Variants in ALPL observed in about 807,000 individuals in gnomAD.
ALPL encodes alkaline phosphatase, biomineralization associated.
ALPL carries 42 observed loss-of-function variants against 51.3 expected under a neutral mutation model. The observed-to-expected ratio is 0.82, with a 90% confidence interval of 0.64 to 1.06. ALPL has a LOEUF of 1.06. ALPL is among the 50% of genes least tolerant of loss of function. The pLI is 0.00. For synonymous variants in ALPL, 279 were observed against 296.4 expected (o/e 0.94, Z 0.60); for missense variants, 589 against 709.4 (o/e 0.83, Z 1.93).
intron 1 of ALPL, among the ~76,000 whole-genome samples, chr1:21,517,665 C>G (rs777660675): frequency 1.3e-5 from 2 of 152,102 alleles, no homozygotes; most frequent in Non-Finnish European, 2.9e-5. Flanking sequence ...GAATCCCAGC[C>G]CTGCCATTTC....
intron 2 of ALPL, 88 bp from the exon 3 acceptor site, chr1:21,560,538 C>T: frequency 6.4e-7 from 1 of 1,553,724 alleles, no homozygotes; most frequent in Non-Finnish European, 8.8e-7. Flanking sequence ...GCATTCCAGC[C>T]TGAGCAATCA....
At chr1:21,567,916 AG>A (rs1644589549) in intron 6 of ALPL, among the ~76,000 whole-genome samples, 187 bp from the exon 7 acceptor site, 1 of 152,108 alleles carries the variant, frequency 6.6e-6, no homozygotes, top group South Asian at 2.1e-4. Context: ...CCGTCCCAAT[AG>A]ACTCGTGATT....
intron 6 of ALPL, among the ~76,000 whole-genome samples, chr1:21,565,730 C>T (rs968865165): frequency 2.0e-5 from 3 of 151,838 alleles, no homozygotes; most frequent in Non-Finnish European, 4.4e-5. Flanking sequence ...CCAGCCCCAC[C>T]TGCCTCTCCG....
At chr1:21,572,298 G>C (rs189223083) in intron 8 of ALPL, among the ~76,000 whole-genome samples, 6 of 152,308 alleles carry the variant, frequency 3.9e-5, no homozygotes, top group African/African-American at 1.4e-4. Context: ...TTCCAGGATG[G>C]TTCACTCACA....
intron 1 of ALPL, among the ~76,000 whole-genome samples, chr1:21,514,048 A>T (rs1371688549): frequency 6.6e-6 from 1 of 152,206 alleles, no homozygotes; most frequent in East Asian, 1.9e-4. Context: ...GCCAGCCCTC[A>T]GGGGGCTCAG....
intron 6 of ALPL, among the ~76,000 whole-genome samples, chr1:21,566,895 C>CCAGTCG (rs1337092210): frequency 6.6e-6 from 1 of 152,176 alleles, no homozygotes; most frequent in Non-Finnish European, 1.5e-5. Context: ...CCGCGCCTGG[C>CCAGTCG]CAGTCGCATT....
At chr1:21,556,155 A>G (rs1476830949) in intron 2 of ALPL, among the ~76,000 whole-genome samples, 3 of 152,194 alleles carry the variant, frequency 2.0e-5, no homozygotes, top group African/African-American at 7.2e-5. Context: ...TAGGGGTTCA[A>G]CTAATTCTAG....
Position 21,568,141 on chromosome 1 carries a change from A to G in ALPL, c.686A>G (p.Lys229Arg). The G allele has an allele frequency of 6.2e-7, 1 of 1,614,066 alleles. No individual in the cohort carries two copies. The highest frequency in any genetic ancestry group is 8.5e-7 in the Non-Finnish European group (1 of 1,180,042). Residue 229 changes from lysine to arginine, a missense_variant, in exon 7 of 12, where the codon AAG becomes AGG. Physicochemically the swap from Lys to Arg is conservative, Grantham distance 26 (BLOSUM62 2). Coordinates refer to ENST00000374840, the MANE Select transcript of ALPL (RefSeq NM_000478.6). ...GGTGGCCGGAAATACATGTACCCCA[A>G]GAATAAAACTGATGTGGAGTATGAG... ...MGGGRKYMYPKNKTDVEYESD... is the reference protein window; with the variant it reads ...MGGGRKYMYPRNKTDVEYESD...
At chr1:21,515,649 A>G (rs1570158941) in intron 1 of ALPL, among the ~76,000 whole-genome samples, 1 of 152,190 alleles carries the variant, frequency 6.6e-6, no homozygotes, top group South Asian at 2.1e-4. Context: ...TCGGCCTCGC[A>G]AAGTGCTGGG....
intron 2 of ALPL, among the ~76,000 whole-genome samples, chr1:21,556,104 C>T (rs1340494284): frequency 4.6e-5 from 7 of 152,186 alleles, no homozygotes; most frequent in East Asian, 1.9e-4. Context: ...GAGATTCACG[C>T]GGAAGTGTTT....
At chr1:21,522,316 C>T (rs568145638) in intron 1 of ALPL, among the ~76,000 whole-genome samples, 4 of 152,246 alleles carry the variant, frequency 2.6e-5, no homozygotes, top group Non-Finnish European at 4.4e-5. Context: ...CTTCATGATC[C>T]GCCCGCCTTG....
At chr1:21,512,341 C>T (rs1223038666) in intron 1 of ALPL, among the ~76,000 whole-genome samples, 1 of 152,222 alleles carries the variant, frequency 6.6e-6, no homozygotes, top group Non-Finnish European at 1.5e-5. Flanking sequence ...CCTCAGTTTT[C>T]TCATCTGCAA....
intron 1 of ALPL, among the ~76,000 whole-genome samples, chr1:21,523,999 CTTTTTTTTTTT>C (rs10571494): frequency 6.3e-5 from 6 of 94,548 alleles, no homozygotes; most frequent in African/African-American, 8.3e-5. Flanking sequence ...CAAATCTCTG[CTTTTTTTTTTT>C]TTTTTTTTTT....
At chr1:21,559,026 G>A (rs755333575) in intron 2 of ALPL, among the ~76,000 whole-genome samples, 4 of 152,158 alleles carry the variant, frequency 2.6e-5, no homozygotes, top group East Asian at 1.9e-4. Flanking sequence ...GAGCCAGTGC[G>A]TGTGTGAGGA....
chr1:21,551,039 C>G (rs750201930), intron 1 of ALPL, among the ~76,000 whole-genome samples: 6 of 152,178 alleles, frequency 3.9e-5, no homozygotes, highest in Admixed American at 3.3e-4. Context: ...TTCGGTAGAT[C>G]CTGCCGGTTT....
intron 1 of ALPL, among the ~76,000 whole-genome samples, chr1:21,534,350 T>C (rs1376514320): frequency 2.0e-5 from 3 of 152,202 alleles, no homozygotes; most frequent in African/African-American, 4.8e-5. Flanking sequence ...AAATGTGGGC[T>C]TAGTGATAAG....
chr1:21,576,608 G>A lies in ALPL; in HGVS notation c.1276G>A (p.Gly426Ser), dbSNP rs770548228. 3.1e-6 allele frequency: 5 copies of A among 1,613,938 alleles called. No homozygotes were observed. Among genetic ancestry groups the A allele is most frequent in the East Asian group, 2.2e-5 (1 of 44,858 alleles). ...TGGGCCTGGCTACAAGGTGGTGGGC[G>A]GTGAACGAGAGAATGTCTCCATGGT... ...GNGPGYKVVG[G>S]ERENVSMVDY... is the part of the protein sequence containing the mutation. Residue 426 changes from glycine (G) to serine (S), a missense_variant, in exon 11 of 12, where the codon GGT becomes AGT. Physicochemically the swap from Gly to Ser is moderately conservative, Grantham distance 56. Coordinates refer to ENST00000374840, the MANE Select transcript of ALPL (RefSeq NM_000478.6).
chr1:21,527,807 C>T (rs1394194314), intron 1 of ALPL, among the ~76,000 whole-genome samples: 1 of 152,086 alleles, frequency 6.6e-6, no homozygotes, highest in African/African-American at 2.4e-5. Context: ...ACCTCGGCCT[C>T]CCAAAGTGCT....
intron 6 of ALPL, among the ~76,000 whole-genome samples, chr1:21,566,147 T>A (rs926230663): frequency 6.6e-6 from 1 of 150,582 alleles, no homozygotes; most frequent in Admixed American, 6.6e-5. Flanking sequence ...TCTGCCTCTC[T>A]GAACCACTTG....
Sources: allele counts gnomAD v4.1 joint callset (sites outside exome capture counted in the v4.1 genomes callset), GRCh38; gene constraint gnomAD v4.1.1; transcripts MANE v1.5; gene names NCBI Gene and HGNC (gene_info 2026-07-23, HGNC 2026-07-21).